The following CYREN variants were observed in gnomAD, a reference collection of about 807,000 sequenced individuals.
CYREN encodes cell cycle regulator of NHEJ, also known as cell cycle regulator of non-homologous end joining.
CYREN carries 7 observed loss-of-function variants against 9.7 expected under a neutral mutation model. The ratio of observed to expected loss-of-function variants is 0.72; its 90% CI spans 0.41 to 1.36. The LOEUF is 1.36. Among genes scored for constraint, CYREN ranks in the 40% most tolerant of loss-of-function variants. The pLI, the probability that CYREN is intolerant of heterozygous loss-of-function variation, is 0.01. For missense variants in CYREN, 215 were observed against 198.1 expected, an observed-to-expected ratio of 1.09 and a Z score of -0.51; for synonymous variants, 76 against 77.9, an observed-to-expected ratio of 0.98 and a Z score of 0.13.
rs1301393313 is a variant in CYREN, at chr7:135,134,745, A to G, written n.356+34004T>C. ...AACTTTAAGAAGTTATGAACTTACT[A>G]AAAGGAAAAATATTATTTATACTAT... On this transcript the variant is annotated intron_variant and non_coding_transcript_variant, in intron 2 of 2. Transcript: ENST00000459937. The G allele has an allele frequency of 4.2e-6, 5 of 1,177,262 alleles. No homozygotes were observed. The African/African-American group carries it at 4.7e-5, about 11-fold the overall frequency. The allele number at this position is 1,177,262 out of a possible 1,614,324, so 72.9% of individuals were successfully genotyped here.
chr7:135,115,858 A>G (rs1241859488), intron 2 of CYREN: 1 of 394,936 alleles, frequency 2.5e-6, no homozygotes, highest in Non-Finnish European at 4.5e-6. Context: ...ATCTATTAAT[A>G]AAGTAGGCAT....
intron 2 of CYREN, among the ~76,000 whole-genome samples, chr7:135,117,881 G>A (rs1484808899): frequency 6.6e-6 from 1 of 152,164 alleles, no homozygotes; most frequent in Admixed American, 6.5e-5. Flanking sequence ...CACTGGCATG[G>A]TTGCCAATCA....
chr7:135,167,672 G>A, intron 3 of CYREN, 60 bp downstream of exon 3: 1 of 1,606,116 alleles, frequency 6.2e-7, no homozygotes, highest in South Asian at 1.1e-5. Flanking sequence ...GGTGACCAAG[G>A]GTCTAGCCTC....
upstream of CYREN, among the ~76,000 whole-genome samples, chr7:135,171,542 C>T (rs994333844): frequency 1.3e-5 from 2 of 152,004 alleles, no homozygotes; most frequent in Non-Finnish European, 2.9e-5. Context: ...GCCCCTGTCA[C>T]GTACCCCTTG....
intron 2 of CYREN, among the ~76,000 whole-genome samples, chr7:135,112,818 C>T (rs1825823881): frequency 6.6e-6 from 1 of 152,148 alleles, no homozygotes; most frequent in Non-Finnish European, 1.5e-5. Context: ...TGCTCTGTCA[C>T]ACAGGCTGGA....
chr7:135,139,974 A>G (rs1019118317), intron 2 of CYREN, among the ~76,000 whole-genome samples: 1 of 152,062 alleles, frequency 6.6e-6, no homozygotes, highest in Non-Finnish European at 1.5e-5. Flanking sequence ...GCCTTGTAGT[A>G]TAGTTTGAAG....
At chr7:135,143,424 A>G (rs1471500057) in intron 2 of CYREN, among the ~76,000 whole-genome samples, 1 of 152,124 alleles carries the variant, frequency 6.6e-6, no homozygotes, top group East Asian at 1.9e-4. Context: ...CTGCAAAAAC[A>G]AACAAACAAA....
Position 135,132,733 on chromosome 7 carries a change from G to A in CYREN, n.356+36016C>T, listed in dbSNP as rs113015835. ...AGTTCCCCTGCATAAGCTGTCTTGC[G>A]TGCCACCATGTAAGACATGACTTTG... On this transcript the variant is annotated intron_variant and non_coding_transcript_variant, in intron 2 of 2. Coordinates refer to the CYREN transcript ENST00000459937. 4.6e-3 allele frequency among the ~76,000 whole-genome samples: 702 copies of A among 152,218 alleles called. 1 individual carries two copies. Among genetic ancestry groups the A allele is most frequent in the African/African-American group, 8.1e-3 (335 of 41,522 alleles).
rs1444638295 is a variant in CYREN at position 135,166,307 on chromosome 7, C to T, written c.*304G>A. ...GACATCATTTTCCCTGGAACCTGGTCACTGACTAACACAGACAATTGGGAC... is the reference window on the plus strand; with the variant it reads ...GACATCATTTTCCCTGGAACCTGGTTACTGACTAACACAGACAATTGGGAC... On this transcript the variant is annotated 3_prime_UTR_variant, in exon 4 of 4. Transcript: ENST00000393114. The T allele has an allele frequency of 3.5e-6, 1 of 286,474 alleles. No homozygotes were observed. Among genetic ancestry groups the T allele is most frequent in the Non-Finnish European group, 6.5e-6 (1 of 154,388 alleles). 17.7% of individuals were successfully genotyped at this position (286,474 alleles called of 1,614,324 possible).
chr7:135,110,833 C>T (rs1223351620), intron 2 of CYREN, among the ~76,000 whole-genome samples: 2 of 152,192 alleles, frequency 1.3e-5, no homozygotes, highest in Non-Finnish European at 2.9e-5. Flanking sequence ...GCCTCCTTAT[C>T]CTTTGACTAA....
chr7:135,167,095 C>A, intron 3 of CYREN: 1 of 985,252 alleles, frequency 1.0e-6, no homozygotes, highest in Non-Finnish European at 1.2e-6. Flanking sequence ...GGGAGAGAAG[C>A]AAGCAAAGGC....
At chr7:135,127,435 C>A (rs1367401070) in intron 2 of CYREN, among the ~76,000 whole-genome samples, 3 of 152,100 alleles carry the variant, frequency 2.0e-5, no homozygotes, top group Non-Finnish European at 4.4e-5. Context: ...CGCCTGTAGT[C>A]CCAGCTACTC....
At chr7:135,158,081 G>A (rs908509634) in intron 2 of CYREN, among the ~76,000 whole-genome samples, 7 of 152,226 alleles carry the variant, frequency 4.6e-5, no homozygotes, top group Non-Finnish European at 1.0e-4. Flanking sequence ...CTGGGCAGCA[G>A]CTTCAGCCAC....
intron 2 of CYREN, chr7:135,128,495 T>C: frequency 1.3e-6 from 1 of 756,638 alleles, no homozygotes; most frequent in Middle Eastern, 2.5e-4. Context: ...CCAGTGAGTA[T>C]TTACGATGGA....
chr7:135,125,895 C>G (rs1827804653), intron 2 of CYREN, among the ~76,000 whole-genome samples: 1 of 152,062 alleles, frequency 6.6e-6, no homozygotes. Context: ...GAACATATCT[C>G]AAAATAATGA....
In CYREN at chr7:135,094,607, A is replaced by C. The variant is rs28461869; in HGVS notation, n.357-25T>G. Reference sequence around the variant, plus strand: ...TCTGGAAAGGGGAGAAGAAGAGTAAACATTGTGAAATACACCCAGAGCATT... The same window carrying C: ...TCTGGAAAGGGGAGAAGAAGAGTAACCATTGTGAAATACACCCAGAGCATT... On this transcript the variant is annotated intron_variant and non_coding_transcript_variant, in intron 2 of 2. Coordinates refer to the CYREN transcript ENST00000459937. 3,635 of 449,960 alleles carry C rather than the reference A, an allele frequency of 8.1e-3. 120 individuals carry two copies. The highest frequency in any genetic ancestry group is 0.065 in the African/African-American group (3,234 of 49,658). 27.9% of individuals were successfully genotyped at this position (449,960 alleles called of 1,614,324 possible). A position where few individuals can be genotyped will look rare whatever the true frequency, so the allele number is the denominator to read the frequency against.
chr7:135,096,783 G>GAAAGAAAGAAAT (rs1473386036), intron 2 of CYREN, among the ~76,000 whole-genome samples: 24 of 148,866 alleles, frequency 1.6e-4, no homozygotes, highest in African/African-American at 6.0e-4. Flanking sequence ...AAGAAAGAAA[G>GAAAGAAAGAAAT]AAAGAAAGAA....
intron 2 of CYREN, among the ~76,000 whole-genome samples, chr7:135,127,421 C>T (rs1458737490): frequency 3.3e-5 from 5 of 152,012 alleles, no homozygotes; most frequent in East Asian, 3.9e-4. Flanking sequence ...GGTGTGGTGG[C>T]GCACGCCTGT....
chr7:135,137,310 A>T (rs983240332), intron 2 of CYREN, among the ~76,000 whole-genome samples: 1 of 152,112 alleles, frequency 6.6e-6, no homozygotes, highest in Non-Finnish European at 1.5e-5. Context: ...GGAAAGAGTC[A>T]GTATGCTTAA....
Sources: gnomAD v4.1 joint callset for allele counts (sites outside exome capture counted in the v4.1 genomes callset) on GRCh38, gnomAD v4.1.1 for gene constraint, MANE v1.5 for transcripts, NCBI Gene and HGNC (gene_info 2026-07-23, HGNC 2026-07-21) for gene names.